The following TMPRSS11D variants were observed in gnomAD, a reference collection of about 807,000 sequenced individuals.
The protein encoded by TMPRSS11D is transmembrane serine protease 11D.
TMPRSS11D carries 32 observed loss-of-function variants against 44.4 expected under a neutral mutation model. That is an observed-to-expected ratio of 0.72 (90% CI 0.54 to 0.97). The LOEUF is 0.97. Among genes scored for constraint, TMPRSS11D ranks in the 50% least tolerant of loss-of-function variants. The probability of loss-of-function intolerance (pLI) is 0.00; values close to 1 mark genes in which losing one functional copy is unlikely to be tolerated. For missense variants in TMPRSS11D, 446 were observed against 502.6 expected (o/e 0.89, Z 1.08); for synonymous variants, 179 against 177.9 (o/e 1.01, Z -0.05).
At chr4:67,844,787 G>GA (rs1223818293) in intron 3 of TMPRSS11D, among the ~76,000 whole-genome samples, 1 of 150,996 alleles carries the variant, frequency 6.6e-6, no homozygotes, top group African/African-American at 2.4e-5. Context: ...TAAAAAAAAG[G>GA]AAAAAAAAGA....
Position 67,825,855 on chromosome 4 carries a change from T to C in TMPRSS11D, c.972A>G (p.Leu324=), listed in dbSNP as rs1717778990. The change falls in exon 9 of 10, where the codon CTA becomes CTG. Residue 324 remains leucine, a synonymous_variant. Coordinates refer to ENST00000283916, the MANE Select transcript of TMPRSS11D (RefSeq NM_004262.3). ...TTATTATTCTGACCTGTCCTTGCCTTAGCTCTGGAACTGTGTGGCCTGTTT... is the reference window on the plus strand; with the variant it reads ...TTATTATTCTGACCTGTCCTTGCCTCAGCTCTGGAACTGTGTGGCCTGTTT... The part of the protein sequence containing the change: ...QEYAGHTVPE[L]RQGQVRIISN... The C allele has an allele frequency of 6.2e-7, 1 of 1,612,286 alleles. No homozygotes were observed. Among genetic ancestry groups the C allele is most frequent in the Non-Finnish European group, 8.5e-7 (1 of 1,178,966 alleles).
Position 67,827,373 on chromosome 4 carries a change from G to T in TMPRSS11D, c.840C>A (p.Asn280Lys), listed in dbSNP as rs377607444. 1.9e-5 allele frequency: 30 copies of T among 1,613,198 alleles called. 1 individual carries two copies. The East Asian group carries it at 4.0e-4, about 22-fold the overall frequency. Residue 280 changes from asparagine to lysine, a missense_variant, in exon 8 of 10, where the codon AAC becomes AAA. Physicochemically the swap from Asn to Lys is moderately conservative, Grantham distance 94. Coordinates refer to ENST00000283916, the MANE Select transcript of TMPRSS11D (RefSeq NM_004262.3). The stretch of plus-strand genomic sequence containing the variant: ...GGATATCTTTGGTAAAGGTGACACT[G>T]TTCTCAAGTCTCACAAGTGCAATGT... ...ENDIALVRLE[N>K]SVTFTKDIHS...
chr4:67,872,866 CAG>C (rs1314365117), intron 1 of TMPRSS11D, among the ~76,000 whole-genome samples: 1 of 152,126 alleles, frequency 6.6e-6, no homozygotes, highest in Admixed American at 6.6e-5. Context: ...TAAAACACAT[CAG>C]AGTTTTGAAA....
intron 1 of TMPRSS11D, among the ~76,000 whole-genome samples, chr4:67,871,540 G>T (rs1719063308): frequency 1.3e-5 from 2 of 152,122 alleles, no homozygotes; most frequent in Non-Finnish European, 2.9e-5. Context: ...TAATAATAGG[G>T]TCAGCCTTGC....
chr4:67,857,500 G>A (rs1230917318), intron 2 of TMPRSS11D, among the ~76,000 whole-genome samples: 1 of 151,870 alleles, frequency 6.6e-6, no homozygotes, highest in Non-Finnish European at 1.5e-5. Context: ...TGTAATCCCT[G>A]TAATCCCAGT....
chr4:67,835,025 G>A (rs368030750), intron 6 of TMPRSS11D, 58 bp downstream of exon 6: 58 of 1,481,312 alleles, frequency 3.9e-5, no homozygotes, highest in Non-Finnish European at 5.5e-5. Flanking sequence ...CAAAAGACTT[G>A]CACTTTTACT....
At chr4:67,824,784 A>T (rs1178579711) in intron 9 of TMPRSS11D, among the ~76,000 whole-genome samples, 1 of 152,106 alleles carries the variant, frequency 6.6e-6, no homozygotes, top group African/African-American at 2.4e-5. Context: ...TATACAATTC[A>T]CCCATGAAAA....
chr4:67,873,747 C>G (rs1177100598), intron 1 of TMPRSS11D, among the ~76,000 whole-genome samples: 2 of 152,074 alleles, frequency 1.3e-5, no homozygotes, highest in African/African-American at 4.8e-5. Context: ...GGTCCAAAGA[C>G]TATGTTTTGT....
At chr4:67,835,542 TATA>T (rs1351900939) in intron 5 of TMPRSS11D, among the ~76,000 whole-genome samples, 1 of 152,170 alleles carries the variant, frequency 6.6e-6, no homozygotes, top group Non-Finnish European at 1.5e-5. Flanking sequence ...GATACCACTC[TATA>T]ATAAGTGCTG....
At chr4:67,860,698 A>T (rs1029846815) in intron 1 of TMPRSS11D, among the ~76,000 whole-genome samples, 1 of 152,122 alleles carries the variant, frequency 6.6e-6, no homozygotes, top group African/African-American at 2.4e-5. Context: ...AATTCTTGAC[A>T]TGTTTCAGAT....
chr4:67,882,309 C>T (rs772835235), intron 1 of TMPRSS11D, among the ~76,000 whole-genome samples: 2 of 152,118 alleles, frequency 1.3e-5, no homozygotes, highest in African/African-American at 4.8e-5. Flanking sequence ...AATTTTCCTT[C>T]TGTTATTTGA....
At position 67,862,690 on chromosome 4, in the gene TMPRSS11D, A is replaced by C. The variant is rs2018437; in HGVS notation, c.9-3012T>G. 1.6e-3 allele frequency among the ~76,000 whole-genome samples: 250 copies of C among 152,298 alleles called. 7 individuals carry two copies. The South Asian group carries it at 0.051, about 31-fold the overall frequency. Reference sequence around the variant, plus strand: ...CAACAATGATAGACTGGATTAAGAAAATGTGGCACATATACACCATGGAAT... The same window carrying C: ...CAACAATGATAGACTGGATTAAGAACATGTGGCACATATACACCATGGAAT... On this transcript the variant is annotated intron_variant, in intron 1 of 9. Coordinates refer to ENST00000283916, the MANE Select transcript of TMPRSS11D (RefSeq NM_004262.3).
At chr4:67,877,595 T>C (rs1719222021) in intron 1 of TMPRSS11D, among the ~76,000 whole-genome samples, 2 of 152,226 alleles carry the variant, frequency 1.3e-5, no homozygotes, top group Non-Finnish European at 1.5e-5. Context: ...TTCTTTCTGA[T>C]TCTCACAACC....
At chr4:67,827,218 ATAAGACATTTCTATTGT>A in intron 8 of TMPRSS11D, 26 bp downstream of exon 8, 1 of 1,552,114 alleles carries the variant, frequency 6.4e-7, no homozygotes, top group Non-Finnish European at 8.7e-7. Context: ...AATAGCAAAT[ATAAGACATTTCTATTGT>A]TAATTTTTTT....
rs959223225 is a variant in TMPRSS11D at position 67,821,379 on chromosome 4, CT to C, written c.*957del. 6.6e-6 allele frequency: 1 copy of C among 152,108 alleles called. No individual in the cohort carries two copies. The highest frequency in any genetic ancestry group is 6.5e-5 in the Admixed American group (1 of 15,270). 9.4% of individuals were successfully genotyped at this position (152,108 alleles called of 1,614,324 possible). On this transcript the variant is annotated 3_prime_UTR_variant, in exon 10 of 10. Transcript: ENST00000283916. ...TTCCTTTGCAAACCAACTCTTCCCC[CT>C]CTTTAAACTTTCAATTCGTTACTTA...
chr4:67,840,915 T>G (rs1480818038), intron 4 of TMPRSS11D, among the ~76,000 whole-genome samples: 1 of 151,956 alleles, frequency 6.6e-6, no homozygotes, highest in Non-Finnish European at 1.5e-5. Context: ...GAAAACGCAA[T>G]AAATGGGTTA....
rs778376915 is a variant in TMPRSS11D, at chr4:67,854,189, G to A, written c.131-3C>T. On this transcript the variant is annotated splice_region_variant and splice_polypyrimidine_tract_variant and intron_variant, in intron 2 of 9. Transcript: ENST00000283916. ...CCTATAAAAGTAAGATTTTTGATCT[G>A]AAAAAGAAATAAAAGGGAAGGTCAG... is the stretch of plus-strand genomic sequence containing the variant. The A allele has an allele frequency of 6.9e-7, 1 of 1,443,810 alleles. No homozygotes were observed. The highest frequency in any genetic ancestry group is 9.6e-7 in the Non-Finnish European group (1 of 1,043,164). The allele number at this position is 1,443,810 out of a possible 1,614,324, so 89.4% of individuals were successfully genotyped here.
intron 7 of TMPRSS11D, among the ~76,000 whole-genome samples, chr4:67,828,176 TCATACTGAA>T (rs1289471162): frequency 1.3e-5 from 2 of 152,046 alleles, no homozygotes; most frequent in African/African-American, 4.8e-5. Context: ...TACTAACTTG[TCATACTGAA>T]CAAGATCTAG....
intron 2 of TMPRSS11D, among the ~76,000 whole-genome samples, chr4:67,858,225 G>C (rs1334878984): frequency 2.0e-5 from 3 of 152,146 alleles, no homozygotes; most frequent in African/African-American, 7.2e-5. Context: ...GCAAGAGTTG[G>C]AGATCCTGGG....
Sources: allele counts gnomAD v4.1 joint callset (sites outside exome capture counted in the v4.1 genomes callset), GRCh38; gene constraint gnomAD v4.1.1; transcripts MANE v1.5; gene names NCBI Gene and HGNC (gene_info 2026-07-23, HGNC 2026-07-21).